The following GPAT3 variants were observed in gnomAD, a reference collection of about 807,000 sequenced individuals.
GPAT3 encodes the protein 1-AGP acyltransferase 9.
A neutral mutation model predicts 58.8 loss-of-function variants in GPAT3; 53 were observed. The observed-to-expected ratio is 0.90, with a 90% CI of 0.72 to 1.13. The LOEUF (loss-of-function observed/expected upper bound fraction) is 1.13. Among genes scored for constraint, GPAT3 ranks in the 50% most tolerant of loss-of-function variants. The probability of loss-of-function intolerance (pLI) is 0.00; values close to 1 mark genes in which losing one functional copy is unlikely to be tolerated. For synonymous variants in GPAT3, 197 were observed against 187.4 expected, an observed-to-expected ratio of 1.05 and a Z score of -0.42; for missense variants, 511 against 527.6, an observed-to-expected ratio of 0.97 and a Z score of 0.31.
intron 2 of GPAT3, among the ~76,000 whole-genome samples, chr4:83,572,720 CATT>C (rs1725651236): frequency 6.6e-6 from 1 of 152,128 alleles, no homozygotes; most frequent in Non-Finnish European, 1.5e-5. Flanking sequence ...ACCCTAATGC[CATT>C]ATTACGCTTA....
intron 11 of GPAT3, among the ~76,000 whole-genome samples, chr4:83,599,840 A>G (rs1002176475): frequency 5.9e-5 from 9 of 152,184 alleles, no homozygotes; most frequent in African/African-American, 2.2e-4. Flanking sequence ...AATACCATGG[A>G]TAGTACAAAT....
chr4:83,536,638 C>T lies in GPAT3; in HGVS notation c.16C>T (p.Leu6=), dbSNP rs1724101105. The stretch of plus-strand genomic sequence containing the variant: ...GCGCCGAGTCATGGAGGGCGCAGAG[C>T]TGGCCGGGAAGATCCTTTCCACCTG... MEGAE[L]AGKILSTWLT... is the part of the protein sequence containing the mutation. The change falls in exon 1 of 12, where the codon CTG becomes TTG. Residue 6 remains leucine (L), a synonymous_variant. Coordinates refer to ENST00000264409, the MANE Select transcript of GPAT3 (RefSeq NM_032717.5). The T allele has an allele frequency of 1.1e-5, 18 of 1,612,658 alleles. No homozygotes were observed. The highest frequency in any genetic ancestry group is 4.0e-5 in the African/African-American group (3 of 74,906).
chr4:83,568,165 A>C (rs960435651), intron 2 of GPAT3, among the ~76,000 whole-genome samples: 2 of 152,138 alleles, frequency 1.3e-5, no homozygotes, highest in African/African-American at 4.8e-5. Context: ...TTCACATTAA[A>C]AAAAAATTGA....
chr4:83,549,688 C>T (rs1010643277), intron 2 of GPAT3, among the ~76,000 whole-genome samples: 14 of 145,424 alleles, frequency 9.6e-5, no homozygotes, highest in African/African-American at 2.4e-4. Flanking sequence ...TGTGCCACCA[C>T]GCCTGGCTAA....
In GPAT3 at chr4:83,581,828, C is replaced by T. The variant is rs142766119; in HGVS notation, c.475C>T (p.Leu159=). The T allele has an allele frequency of 1.4e-5, 23 of 1,607,582 alleles. No individual in the cohort carries two copies. The African/African-American group carries it at 2.9e-4, about 21-fold the overall frequency. The stretch of plus-strand genomic sequence containing the variant: ...AGTGCGCTATTGTGTCCTACTGCCT[C>T]TGAGGTAAGTCATATGCCTGGTAAT... ...VIVRYCVLLP[L]RVTLAFIGIS... Residue 159 remains leucine, a synonymous_variant, in exon 3 of 12, where the codon CTG becomes TTG. Transcript: ENST00000264409.
At chr4:83,535,723 G>A (rs186533944), upstream of GPAT3, 402 of 985,420 alleles carry the variant, frequency 4.1e-4, 3 homozygotes, top group African/African-American at 4.1e-3. Context: ...GAGCCCCACA[G>A]CTGTAGGCCA....
intron 2 of GPAT3, among the ~76,000 whole-genome samples, chr4:83,549,593 G>T (rs1724675278): frequency 1.3e-5 from 2 of 149,592 alleles, no homozygotes; most frequent in Admixed American, 6.7e-5. Context: ...AGTGCAGTGG[G>T]GCAATCTTGG....
At chr4:83,543,207 G>T (rs1724373556) in intron 1 of GPAT3, among the ~76,000 whole-genome samples, 1 of 151,990 alleles carries the variant, frequency 6.6e-6, no homozygotes, top group Non-Finnish European at 1.5e-5. Context: ...GGCTGAGGTG[G>T]GAGGATTGCT....
At chr4:83,562,706 G>A (rs973076745) in intron 2 of GPAT3, among the ~76,000 whole-genome samples, 1 of 151,946 alleles carries the variant, frequency 6.6e-6, no homozygotes, top group Admixed American at 6.6e-5. Flanking sequence ...ATAGAAAAAG[G>A]GCAGGAAGAG....
At chr4:83,585,676 T>C (rs1033900290) in intron 3 of GPAT3, among the ~76,000 whole-genome samples, 1 of 152,010 alleles carries the variant, frequency 6.6e-6, no homozygotes, top group African/African-American at 2.4e-5. Context: ...TGGCACAATC[T>C]TGGCTCACTG....
In GPAT3 at chr4:83,582,514, C is replaced by T. The variant is rs960029173; in HGVS notation, c.479+682C>T. ...CTGTAAGTGGCTGAGATCTGATTAG[C>T]GTGGTGGTAGCAGTAGTAGGCACGT... is the stretch of plus-strand genomic sequence containing the variant. On this transcript the variant is annotated intron_variant, in intron 3 of 11. Transcript: ENST00000264409. Among the ~76,000 whole-genome samples the T allele has an allele frequency of 3.3e-5, 5 of 152,162 alleles. No individual in the cohort carries two copies. The East Asian group carries it at 5.8e-4, about 18-fold the overall frequency.
At chr4:83,596,237 G>A (rs1353207361) in intron 7 of GPAT3, among the ~76,000 whole-genome samples, 1 of 152,096 alleles carries the variant, frequency 6.6e-6, no homozygotes, top group East Asian at 1.9e-4. Flanking sequence ...AGAGCACAAA[G>A]CTCATGACAC....
At chr4:83,577,674 G>T (rs1209085575) in intron 2 of GPAT3, among the ~76,000 whole-genome samples, 2 of 151,676 alleles carry the variant, frequency 1.3e-5, no homozygotes, top group Non-Finnish European at 2.9e-5. Flanking sequence ...AAGTGGAATT[G>T]CTAGGTCATA....
chr4:83,552,714 G>C (rs185141416), intron 2 of GPAT3, among the ~76,000 whole-genome samples: 18 of 152,288 alleles, frequency 1.2e-4, no homozygotes, highest in Non-Finnish European at 2.1e-4. Context: ...GTGGATTAGA[G>C]ACTGGCATAT....
At chr4:83,544,493 G>A (rs1391714258) in intron 1 of GPAT3, 43 bp from the exon 2 acceptor site, 1 of 1,572,108 alleles carries the variant, frequency 6.4e-7, no homozygotes, top group South Asian at 1.1e-5. Flanking sequence ...TTTATGTTGT[G>A]TCTGTGGGAC....
intron 3 of GPAT3, among the ~76,000 whole-genome samples, chr4:83,586,837 A>G (rs1257059522): frequency 6.6e-6 from 1 of 152,240 alleles, no homozygotes; most frequent in East Asian, 1.9e-4. Context: ...AAAGATGTCT[A>G]CATGGTGGTA....
In GPAT3 at chr4:83,562,187, A is replaced by ATATATATATAATATATATATAT. The variant is rs1560610732; in HGVS notation, c.208+17595_208+17596insATATATATATATTATATATATA. Among the ~76,000 whole-genome samples the ATATATATATAATATATATATAT allele has an allele frequency of 2.5e-3, 134 of 52,852 alleles. 1 individual carries two copies. Among genetic ancestry groups the ATATATATATAATATATATATAT allele is most frequent in the African/African-American group, 0.011 (104 of 9,114 alleles). 34.7% of individuals were successfully genotyped at this position (52,852 alleles called of 152,430 possible). The stretch of plus-strand genomic sequence containing the variant: ...TCTAGTTATTTTATATATTATATAT[A>ATATATATATAATATATATATAT]TATATATATATAATATATATATATT... On this transcript the variant is annotated intron_variant, in intron 2 of 11. Coordinates refer to ENST00000264409, the MANE Select transcript of GPAT3 (RefSeq NM_032717.5).
At chr4:83,595,776 G>C (rs1424127553) in intron 7 of GPAT3, among the ~76,000 whole-genome samples, 2 of 152,090 alleles carry the variant, frequency 1.3e-5, no homozygotes, top group Non-Finnish European at 1.5e-5. Context: ...CTGGGGTTTA[G>C]GGTAGAGATG....
chr4:83,582,040 C>A (rs1361999549), intron 3 of GPAT3, among the ~76,000 whole-genome samples: 1 of 152,122 alleles, frequency 6.6e-6, no homozygotes, highest in Non-Finnish European at 1.5e-5. Context: ...TATTCAGAAT[C>A]CAATGTATAT....
Sources: allele counts gnomAD v4.1 joint callset (sites outside exome capture counted in the v4.1 genomes callset), GRCh38; gene constraint gnomAD v4.1.1; transcripts MANE v1.5; gene names NCBI Gene and HGNC (gene_info 2026-07-23, HGNC 2026-07-21).